The following DSCAM variants were observed in gnomAD, a reference collection of about 807,000 sequenced individuals.
DSCAM encodes the protein cell adhesion molecule DSCAM.
A neutral mutation model predicts 217.7 loss-of-function variants in DSCAM; 47 were observed. The observed-to-expected ratio is 0.22, with a 90% CI of 0.17 to 0.28. The LOEUF (loss-of-function observed/expected upper bound fraction) is 0.28. DSCAM is among the 10% of genes least tolerant of loss of function. DSCAM has a pLI of 1.00. For synonymous variants in DSCAM, 1,056 were observed against 1,015.3 expected (o/e 1.04, Z -0.76); for missense variants, 2,080 against 2,618.3 (o/e 0.79, Z 4.49).
intron 2 of DSCAM, among the ~76,000 whole-genome samples, chr21:40,698,463 C>CT (rs1434496550): frequency 6.6e-6 from 1 of 152,154 alleles, no homozygotes; most frequent in Non-Finnish European, 1.5e-5. Flanking sequence ...ATTGTAACTC[C>CT]ATAGTACTCA....
At position 40,400,031 on chromosome 21, in the gene DSCAM, G is replaced by C. The variant is rs146215470; in HGVS notation, c.509-30786C>G. ...AATCCTAGAGGAAAAACAGCCACAG[G>C]GAATCTGTGTTTGAAGCAGGTGTCA... is the stretch of plus-strand genomic sequence containing the variant. On this transcript the variant is annotated intron_variant, in intron 3 of 32. Transcript: ENST00000400454. Among the ~76,000 whole-genome samples the C allele has an allele frequency of 4.9e-3, 743 of 152,254 alleles. 12 individuals carry two copies. Among genetic ancestry groups the C allele is most frequent in the African/African-American group, 0.017 (707 of 41,534 alleles).
In DSCAM at chr21:40,369,090, A is replaced by G. The variant is rs965507540; in HGVS notation, c.655+9T>C. On this transcript the variant is annotated intron_variant, in intron 4 of 32. Transcript: ENST00000400454. ...AGACATAGCAGACAGAGTCTTGATA[A>G]GTTTTTACCTGATACAAAAAGTCTG... is the stretch of plus-strand genomic sequence containing the variant. 1 of 1,596,058 alleles carries G rather than the reference A, an allele frequency of 6.3e-7. No homozygotes were observed. The highest frequency in any genetic ancestry group is 8.5e-7 in the Non-Finnish European group (1 of 1,171,488).
intron 11 of DSCAM, among the ~76,000 whole-genome samples, chr21:40,192,124 C>A (rs1332794692): frequency 6.6e-6 from 1 of 152,124 alleles, no homozygotes; most frequent in Non-Finnish European, 1.5e-5. Context: ...GTATAATCAT[C>A]ACTGAATCAA....
chr21:40,464,051 GCA>G (rs2075825624), intron 3 of DSCAM, among the ~76,000 whole-genome samples: 1 of 151,310 alleles, frequency 6.6e-6, no homozygotes. Flanking sequence ...TGAACCATCT[GCA>G]CACTCTTTCC....
intron 3 of DSCAM, among the ~76,000 whole-genome samples, chr21:40,672,178 T>G (rs2146403380): frequency 6.6e-6 from 1 of 152,124 alleles, no homozygotes; most frequent in East Asian, 1.9e-4. Flanking sequence ...AGTGCCTCAC[T>G]TCCAAATACA....
At position 40,220,911 on chromosome 21, in the gene DSCAM, A is replaced by C. The variant is rs147841211; in HGVS notation, c.2357-31673T>G. Among the ~76,000 whole-genome samples the C allele has an allele frequency of 2.0e-5, 3 of 152,264 alleles. No individual in the cohort carries two copies. The East Asian group carries it at 5.8e-4, about 29-fold the overall frequency. ...GAGGCTGCACAAGCTTACTTTTACAACGTGTTGTCTGAGGTCACTCCATCA... is the reference window on the plus strand; with the variant it reads ...GAGGCTGCACAAGCTTACTTTTACACCGTGTTGTCTGAGGTCACTCCATCA... On this transcript the variant is annotated intron_variant, in intron 11 of 32. Coordinates refer to ENST00000400454, the MANE Select transcript of DSCAM (RefSeq NM_001389.5).
intron 21 of DSCAM, among the ~76,000 whole-genome samples, chr21:40,090,277 C>T (rs1218318944): frequency 2.0e-5 from 3 of 152,068 alleles, no homozygotes; most frequent in Non-Finnish European, 2.9e-5. Context: ...AAATAATGAA[C>T]CCAGAGCCTT....
chr21:40,125,431 A>C (rs1307784910), intron 19 of DSCAM, among the ~76,000 whole-genome samples: 1 of 152,204 alleles, frequency 6.6e-6, no homozygotes, highest in Non-Finnish European at 1.5e-5. Context: ...ATTGATGGAG[A>C]CATTGAAATT....
intron 1 of DSCAM, among the ~76,000 whole-genome samples, chr21:40,719,568 TA>T (rs768807359): frequency 5.1e-4 from 78 of 152,206 alleles, no homozygotes; most frequent in Non-Finnish European, 9.6e-4. Context: ...CGATCAATAA[TA>T]AAATTGATAC....
chr21:40,382,954 A>G (rs1236203019), intron 3 of DSCAM: 1 of 152,268 alleles, frequency 6.6e-6, no homozygotes, highest in Non-Finnish European at 1.5e-5. Context: ...CATACCATAA[A>G]GTAAAAGTGC....
intron 1 of DSCAM, among the ~76,000 whole-genome samples, chr21:40,838,292 A>G (rs2092072577): frequency 6.6e-6 from 1 of 152,246 alleles, no homozygotes; most frequent in African/African-American, 2.4e-5. Flanking sequence ...ATGGTAAGAG[A>G]GTCCACTGCA....
chr21:40,458,518 G>GA (rs1170686446), intron 3 of DSCAM, among the ~76,000 whole-genome samples: 1 of 151,776 alleles, frequency 6.6e-6, no homozygotes, highest in Admixed American at 6.6e-5. Flanking sequence ...GAAAGAACTA[G>GA]AAAAAAGCCA....
intron 8 of DSCAM, among the ~76,000 whole-genome samples, chr21:40,322,179 G>T (rs1601549929): frequency 1.3e-5 from 2 of 152,032 alleles, no homozygotes; most frequent in South Asian, 2.1e-4. Flanking sequence ...CTGCTGTTTT[G>T]GACCTTCTGC....
intron 3 of DSCAM, among the ~76,000 whole-genome samples, chr21:40,582,478 T>A (rs1376591490): frequency 1.3e-5 from 2 of 152,180 alleles, no homozygotes; most frequent in Non-Finnish European, 2.9e-5. Flanking sequence ...CAACACATTC[T>A]TAGGTTATGT....
chr21:40,572,872 CAT>C, intron 3 of DSCAM, among the ~76,000 whole-genome samples: 1 of 152,096 alleles, frequency 6.6e-6, no homozygotes, highest in Non-Finnish European at 1.5e-5. Context: ...AATCAAAGAA[CAT>C]AGGAGATTTT....
intron 1 of DSCAM, among the ~76,000 whole-genome samples, chr21:40,749,518 A>G (rs929962034): frequency 1.3e-5 from 2 of 152,220 alleles, no homozygotes; most frequent in African/African-American, 4.8e-5. Context: ...CAAAACCACA[A>G]TGAGATATCC....
At chr21:40,345,705 G>A (rs538815689) in intron 6 of DSCAM, among the ~76,000 whole-genome samples, 1 of 152,196 alleles carries the variant, frequency 6.6e-6, no homozygotes, top group East Asian at 1.9e-4. Context: ...AATAATGGGA[G>A]TGTTTTTGTT....
chr21:40,786,029 G>A (rs964741804), intron 1 of DSCAM, among the ~76,000 whole-genome samples: 1 of 152,160 alleles, frequency 6.6e-6, no homozygotes, highest in East Asian at 1.9e-4. Flanking sequence ...CTGAGGTCAG[G>A]AGTTCCAGGC....
chr21:40,710,016 T>G (rs1442574814), intron 1 of DSCAM, among the ~76,000 whole-genome samples: 2 of 152,206 alleles, frequency 1.3e-5, no homozygotes, highest in Non-Finnish European at 2.9e-5. Context: ...TTCCTGACTT[T>G]TTAATGGTCA....
Sources: gnomAD v4.1 joint callset for allele counts (sites outside exome capture counted in the v4.1 genomes callset) on GRCh38, gnomAD v4.1.1 for gene constraint, MANE v1.5 for transcripts, NCBI Gene and HGNC (gene_info 2026-07-23, HGNC 2026-07-21) for gene names.